Variants in LRBA observed in about 807,000 individuals in gnomAD.
LRBA encodes LPS responsive beige-like anchor protein.
A neutral mutation model predicts 330.0 loss-of-function variants in LRBA; 176 were observed. That is an observed-to-expected ratio of 0.53 (90% CI 0.47 to 0.60). LRBA has a LOEUF of 0.60. Ranked by LOEUF, LRBA falls within the 20% of genes least tolerant of loss-of-function variation. The pLI is 0.00. For missense variants in LRBA, 3,259 were observed against 3,444.8 expected (o/e 0.95, Z 1.35); for synonymous variants, 1,230 against 1,193.0 (o/e 1.03, Z -0.64).
chr4:150,852,794 C>T lies in LRBA; in HGVS notation c.2916G>A (p.Gln972=), dbSNP rs1156606877. ...RRDINVSVGS[Q]QPDTKDSPVC... is the part of the protein sequence containing the mutation. ...CAGGAGAATCCTTCGTATCTGGTTG[C>T]TGGGATCCTACTGAAACATTAATAT... The change falls in exon 23 of 57, where the codon CAG becomes CAA. Residue 972 remains glutamine, a synonymous_variant. Transcript: ENST00000651943. 1.9e-6 allele frequency: 3 copies of T among 1,613,914 alleles called. No homozygotes were observed. The East Asian group carries it at 6.7e-5, about 36-fold the overall frequency.
chr4:150,769,547 G>A (rs1005601771), intron 34 of LRBA, among the ~76,000 whole-genome samples: 2 of 152,180 alleles, frequency 1.3e-5, no homozygotes, highest in African/African-American at 4.8e-5. Flanking sequence ...AAGGCAGTTA[G>A]GCAGAAGAAA....
intron 22 of LRBA, among the ~76,000 whole-genome samples, chr4:150,858,206 T>G (rs1280553770): frequency 1.3e-5 from 2 of 152,124 alleles, no homozygotes; most frequent in Non-Finnish European, 2.9e-5. Flanking sequence ...CTAAGAATAC[T>G]TTTAGCCAGG....
At chr4:150,385,996 C>T (rs955447911) in intron 47 of LRBA, among the ~76,000 whole-genome samples, 7 of 152,092 alleles carry the variant, frequency 4.6e-5, no homozygotes, top group African/African-American at 1.7e-4. Flanking sequence ...GAACAAACAG[C>T]CTGGAAAAAA....
At chr4:150,975,281 C>T (rs572588846) in intron 2 of LRBA, among the ~76,000 whole-genome samples, 2 of 152,244 alleles carry the variant, frequency 1.3e-5, no homozygotes, top group South Asian at 4.1e-4. Flanking sequence ...GTAATCCCAA[C>T]ATTTTGAGAA....
At chr4:150,853,015 A>G (rs1560918182) in intron 22 of LRBA, 72 bp from the exon 23 acceptor site, 1 of 781,568 alleles carries the variant, frequency 1.3e-6, no homozygotes, top group Non-Finnish European at 1.9e-6. Context: ...ATAAAACTAA[A>G]TAATTTTCAA....
intron 22 of LRBA, among the ~76,000 whole-genome samples, chr4:150,856,492 T>C (rs1463017827): frequency 6.6e-6 from 1 of 152,224 alleles, no homozygotes; most frequent in Non-Finnish European, 1.5e-5. Flanking sequence ...TCTCAAATCC[T>C]GAAAAGGTAT....
At chr4:150,344,398 TCTAAG>T (rs1177405043) in intron 48 of LRBA, among the ~76,000 whole-genome samples, 3 of 152,232 alleles carry the variant, frequency 2.0e-5, no homozygotes, top group South Asian at 4.1e-4. Context: ...TCCTCTACTT[TCTAAG>T]CTATTTCTCT....
chr4:150,521,400 A>G (rs950336513), intron 40 of LRBA, among the ~76,000 whole-genome samples: 4 of 151,982 alleles, frequency 2.6e-5, no homozygotes, highest in Non-Finnish European at 5.9e-5. Flanking sequence ...ATATCCCACT[A>G]ATTTTGATAT....
chr4:150,520,238 A>C (rs1459465373), intron 40 of LRBA, among the ~76,000 whole-genome samples: 3 of 152,154 alleles, frequency 2.0e-5, no homozygotes, highest in African/African-American at 7.2e-5. Flanking sequence ...ATATTTTTTA[A>C]AGGCAGCTTG....
intron 36 of LRBA, among the ~76,000 whole-genome samples, chr4:150,705,171 G>T (rs1785495881): frequency 1.3e-5 from 2 of 152,094 alleles, no homozygotes; most frequent in African/African-American, 4.8e-5. Flanking sequence ...TGATTCTTAA[G>T]AGCCGGTAAC....
At chr4:150,544,421 A>C (rs1411610114) in intron 40 of LRBA, among the ~76,000 whole-genome samples, 2 of 152,046 alleles carry the variant, frequency 1.3e-5, no homozygotes, top group African/African-American at 4.8e-5. Context: ...CCATCTCAAC[A>C]AACTATCTCT....
chr4:150,435,780 A>G (rs555612826), intron 45 of LRBA, 72 bp from the exon 46 acceptor site: 4 of 1,240,100 alleles, frequency 3.2e-6, no homozygotes, highest in Non-Finnish European at 4.5e-6. Context: ...AAATTCTTAG[A>G]ACTAAATACT....
intron 44 of LRBA, among the ~76,000 whole-genome samples, chr4:150,467,472 C>T (rs1352643822): frequency 6.6e-6 from 1 of 152,022 alleles, no homozygotes; most frequent in Non-Finnish European, 1.5e-5. Context: ...CACTGAATAT[C>T]AGTGCTAACA....
chr4:150,846,809 T>A (rs1363182339), intron 26 of LRBA, among the ~76,000 whole-genome samples: 1 of 152,182 alleles, frequency 6.6e-6, no homozygotes, highest in Non-Finnish European at 1.5e-5. Flanking sequence ...CAAGTCATTT[T>A]TTAAGTCCCA....
rs375694163 is a variant in LRBA at position 150,964,637 on chromosome 4, G to C, written c.217-35572C>G. 1.8e-3 allele frequency among the ~76,000 whole-genome samples: 278 copies of C among 151,620 alleles called. 1 individual carries two copies. Among genetic ancestry groups the C allele is most frequent in the South Asian group, 5.6e-3 (27 of 4,806 alleles). The stretch of plus-strand genomic sequence containing the variant: ...TGCTTGAAGGCAGCATACTCGTTAA[G>C]AGTCATCACCACTCCCTAATCTCAA... On this transcript the variant is annotated intron_variant, in intron 2 of 56. Coordinates refer to ENST00000651943, the MANE Select transcript of LRBA (RefSeq NM_001364905.1).
intron 48 of LRBA, among the ~76,000 whole-genome samples, chr4:150,337,954 C>T (rs1413826961): frequency 6.6e-6 from 1 of 152,142 alleles, no homozygotes; most frequent in East Asian, 1.9e-4. Context: ...TGCTGACTCC[C>T]ACCAACAGAC....
intron 40 of LRBA, among the ~76,000 whole-genome samples, chr4:150,587,587 A>T (rs1772271661): frequency 6.6e-6 from 1 of 152,224 alleles, no homozygotes; most frequent in African/African-American, 2.4e-5. Flanking sequence ...AATGGGAAAC[A>T]GAGGTATCTC....
chr4:150,843,101 G>A (rs781734277), intron 28 of LRBA, among the ~76,000 whole-genome samples: 1 of 152,270 alleles, frequency 6.6e-6, no homozygotes, highest in South Asian at 2.1e-4. Context: ...CTCACCCTTT[G>A]CTCACCTCAC....
chr4:150,839,736 A>G (rs549529687), intron 28 of LRBA, among the ~76,000 whole-genome samples: 37 of 152,286 alleles, frequency 2.4e-4, no homozygotes, highest in African/African-American at 8.7e-4. Flanking sequence ...AGGGCCTGTC[A>G]TGGGGCGGGG....
Sources: allele counts gnomAD v4.1 joint callset (sites outside exome capture counted in the v4.1 genomes callset), GRCh38; gene constraint gnomAD v4.1.1; transcripts MANE v1.5; gene names NCBI Gene and HGNC (gene_info 2026-07-23, HGNC 2026-07-21).